Variants in CRYGA observed in about 807,000 individuals in gnomAD.
The protein encoded by CRYGA is gamma-crystallin A.
CRYGA carries 11 observed loss-of-function variants against 13.8 expected under a neutral mutation model. That is an observed-to-expected ratio of 0.80 (90% CI 0.50 to 1.32). The LOEUF (loss-of-function observed/expected upper bound fraction) is 1.32. Ranked by LOEUF, CRYGA falls within the 40% of genes most tolerant of loss-of-function variation. The probability of loss-of-function intolerance (pLI) is 0.00; values close to 1 mark genes in which losing one functional copy is unlikely to be tolerated. For missense variants in CRYGA, 271 were observed against 234.1 expected (o/e 1.16, Z -1.03); for synonymous variants, 97 against 89.3 (o/e 1.09, Z -0.48).
rs777902010 is a variant in CRYGA, at chr2:208,163,372, G to C, written c.84C>G (p.Val28=). The C allele has an allele frequency of 6.2e-7, 1 of 1,613,972 alleles. No individual in the cohort carries two copies. The highest frequency in any genetic ancestry group is 8.5e-7 in the Non-Finnish European group (1 of 1,179,994). ...GGATGGAGTTGCAGCGGCTGAAGTA[G>C]ACCCGCAGGTTGGGGCAGTCACTGA... ...NCISDCPNLR[V]YFSRCNSIRV... is the part of the protein sequence containing the mutation. The change falls in exon 2 of 3, where the codon GTC becomes GTG. Residue 28 remains valine, a synonymous_variant. Transcript: ENST00000304502.
In CRYGA at chr2:208,160,975, G is replaced by A; in HGVS notation, c.354C>T (p.Leu118=). 6.2e-7 allele frequency: 1 copy of A among 1,613,986 alleles called. No individual in the cohort carries two copies. Among genetic ancestry groups the A allele is most frequent in the Non-Finnish European group, 8.5e-7 (1 of 1,179,936 alleles). The change falls in exon 3 of 3, where the codon CTC becomes CTT. Residue 118 remains leucine, a synonymous_variant. Transcript: ENST00000304502. ...DCACVPELFR[L]PEIYSLHVLE... ...GTACGTGGAGGGAATAGATCTCAGG[G>A]AGACGGAACAGTTCTGGAACACAGG...
At chr2:208,161,767 T>G (rs535918266) in intron 2 of CRYGA, among the ~76,000 whole-genome samples, 1 of 152,260 alleles carries the variant, frequency 6.6e-6, no homozygotes, top group African/African-American at 2.4e-5. Flanking sequence ...TGAGTCACTT[T>G]TTGCACTTAT....
chr2:208,161,536 A>G (rs1021218757), intron 2 of CRYGA, among the ~76,000 whole-genome samples: 15 of 152,302 alleles, frequency 9.8e-5, no homozygotes, highest in Non-Finnish European at 1.8e-4. Flanking sequence ...CCCACTTTCA[A>G]TGTTGTTATT....
chr2:208,161,706 C>T (rs1695763272), intron 2 of CRYGA, among the ~76,000 whole-genome samples: 1 of 147,614 alleles, frequency 6.8e-6, no homozygotes, highest in Non-Finnish European at 1.5e-5. Context: ...AGGATTTCAA[C>T]TCTCATTTCC....
intron 2 of CRYGA, among the ~76,000 whole-genome samples, chr2:208,162,932 G>A (rs1225365582): frequency 7.0e-6 from 1 of 143,616 alleles, no homozygotes; most frequent in East Asian, 2.0e-4. Context: ...TGAATAAGGT[G>A]ACTTTTATGT....
Position 208,161,033 on chromosome 2 carries a change from C to A in CRYGA, c.296G>T (p.Arg99Leu), listed in dbSNP as rs756072487. ...KLRLYERDDYRGLMSELTDDC... is the reference protein window; with the variant it reads ...KLRLYERDDYLGLMSELTDDC... Reference sequence around the variant, plus strand: ...ATCAGTGAGCTCAGACATAAGGCCTCGGTAGTCATCTCTCTCGTACAGCCT... The same window carrying A: ...ATCAGTGAGCTCAGACATAAGGCCTAGGTAGTCATCTCTCTCGTACAGCCT... Residue 99 changes from arginine to leucine, a missense_variant, in exon 3 of 3, where the codon CGA (arginine) becomes CTA (leucine). Physicochemically the swap from Arg to Leu is moderately radical, Grantham distance 102. Coordinates refer to ENST00000304502, the MANE Select transcript of CRYGA (RefSeq NM_014617.4). The A allele has an allele frequency of 6.2e-7, 1 of 1,614,056 alleles. No individual in the cohort carries two copies. Among genetic ancestry groups the A allele is most frequent in the South Asian group, 1.1e-5 (1 of 91,080 alleles).
At chr2:208,163,139 A>C (rs1262014349) in intron 2 of CRYGA, 65 bp downstream of exon 2, 6 of 1,426,726 alleles carry the variant, frequency 4.2e-6, no homozygotes, top group Non-Finnish European at 5.9e-6. Flanking sequence ...TGACTTTTAT[A>C]AACAGGAATT....
In CRYGA at chr2:208,161,016, G is replaced by C. The variant is rs765538326; in HGVS notation, c.313C>G (p.Leu105Val). 1.6e-4 allele frequency: 257 copies of C among 1,613,888 alleles called. No individual in the cohort carries two copies. The highest frequency in any genetic ancestry group is 1.3e-3 in the Admixed American group (75 of 60,000). ...GGAACACAGGCGCAGTCATCAGTGA[G>C]CTCAGACATAAGGCCTCGGTAGTCA... ...RDDYRGLMSE[L>V]TDDCACVPEL... Residue 105 changes from leucine (L) to valine (V), a missense_variant, in exon 3 of 3, where the codon CTC becomes GTC. Leu to Val is a conservative substitution (Grantham distance 32). Transcript: ENST00000304502.
rs182000087 is a variant in CRYGA, at chr2:208,160,940, C to T, written c.389G>A (p.Cys130Tyr). 161 of 1,613,610 alleles carry T rather than the reference C, an allele frequency of 1.0e-4. 1 individual carries two copies. The Admixed American group carries it at 2.7e-3, about 27-fold the overall frequency. The change falls in exon 3 of 3, where the codon TGC (cysteine) becomes TAC (tyrosine). Residue 130 changes from cysteine (C) to tyrosine (Y), a missense_variant. By Grantham distance (194) the Cys-to-Tyr change is radical (BLOSUM62 -2). Coordinates refer to ENST00000304502, the MANE Select transcript of CRYGA (RefSeq NM_014617.4). The part of the protein sequence containing the change: ...EIYSLHVLEG[C>Y]WVLYEMPNYR... ...GTTGGGCATTTCATAGAGGACCCAG[C>T]AGCCCTCCAGTACGTGGAGGGAATA...
At chr2:208,162,579 C>A (rs974737843) in intron 2 of CRYGA, among the ~76,000 whole-genome samples, 1 of 152,072 alleles carries the variant, frequency 6.6e-6, no homozygotes, top group Admixed American at 6.6e-5. Flanking sequence ...TTATCATGGC[C>A]GGGCGCAGTG....
Position 208,163,335 on chromosome 2 carries a change from C to A in CRYGA, c.121G>T (p.Gly41Cys). The A allele has an allele frequency of 6.2e-7, 1 of 1,613,998 alleles. No individual in the cohort carries two copies. Among genetic ancestry groups the A allele is most frequent in the Non-Finnish European group, 8.5e-7 (1 of 1,180,020 alleles). Residue 41 changes from glycine to cysteine, a missense_variant, in exon 2 of 3, where the codon GGC becomes TGC. Transcript: ENST00000304502. ...GGACGCTCATAGAGCATCCAGCAGC[C>A]GCTGTCTACTCGGATGGAGTTGCAG... ...SRCNSIRVDS[G>C]CWMLYERPNY...
chr2:208,161,969 G>C (rs920705177), intron 2 of CRYGA, among the ~76,000 whole-genome samples: 1 of 151,510 alleles, frequency 6.6e-6, no homozygotes, highest in South Asian at 2.1e-4. Context: ...ACGAAGTCTC[G>C]CTCTGTCACC....
At chr2:208,162,305 G>A (rs544834769) in intron 2 of CRYGA, among the ~76,000 whole-genome samples, 1 of 152,244 alleles carries the variant, frequency 6.6e-6, no homozygotes, top group African/African-American at 2.4e-5. Flanking sequence ...GTAAATACAT[G>A]CTGCACGTGA....
chr2:208,161,287 C>A (rs1481396244), intron 2 of CRYGA, among the ~76,000 whole-genome samples: 1 of 152,024 alleles, frequency 6.6e-6, no homozygotes, highest in Non-Finnish European at 1.5e-5. Context: ...ATCCTCCCAC[C>A]TCAGCCCCCC....
At chr2:208,162,013 T>G (rs1206045153) in intron 2 of CRYGA, among the ~76,000 whole-genome samples, 1 of 152,160 alleles carries the variant, frequency 6.6e-6, no homozygotes, top group African/African-American at 2.4e-5. Context: ...CTCGGCTCAC[T>G]GCAACCTCCG....
In CRYGA at chr2:208,160,793, G is replaced by A. The variant is rs746949317; in HGVS notation, c.*11C>T. 1.3e-6 allele frequency: 2 copies of A among 1,556,880 alleles called. No individual in the cohort carries two copies. Among genetic ancestry groups the A allele is most frequent in the South Asian group, 2.3e-5 (2 of 88,768 alleles). On this transcript the variant is annotated 3_prime_UTR_variant, in exon 3 of 3. Transcript: ENST00000304502. ...ATGTTTCTATGGGGATCACAACAAG[G>A]CAGGCACAGCTTAGTACAAATCGGT... is the stretch of plus-strand genomic sequence containing the variant.
rs1169308513 is a variant in CRYGA at position 208,162,673 on chromosome 2, C to T, written c.252+531G>A. Reference sequence around the variant, plus strand: ...TGACCAACATGGAGAAACTCTGTCTCTACTAAAAATACAAAATTAGCTGGG... The same window carrying T: ...TGACCAACATGGAGAAACTCTGTCTTTACTAAAAATACAAAATTAGCTGGG... On this transcript the variant is annotated intron_variant, in intron 2 of 2. Coordinates refer to ENST00000304502, the MANE Select transcript of CRYGA (RefSeq NM_014617.4). Among the ~76,000 whole-genome samples the T allele has an allele frequency of 5.3e-5, 8 of 152,062 alleles. No homozygotes were observed. In the East Asian group the frequency reaches 1.4e-3, roughly 26 times the overall value.
At position 208,163,248 on chromosome 2, in the gene CRYGA, T is replaced by G; in HGVS notation, c.208A>C (p.Met70Leu). ...RGKYPDYQHW[M>L]GLSDSVQSCR... ...GATTGGACCGAGTCGCTGAGGCCCA[T>G]CCAGTGCTGATAGTCGGGGTACTTG... The change falls in exon 2 of 3, where the codon ATG (methionine) becomes CTG (leucine). Residue 70 changes from methionine (M) to leucine (L), a missense_variant. By Grantham distance (15) the Met-to-Leu change is conservative. Coordinates refer to ENST00000304502, the MANE Select transcript of CRYGA (RefSeq NM_014617.4). The G allele has an allele frequency of 1.9e-6, 3 of 1,613,756 alleles. No individual in the cohort carries two copies. Among genetic ancestry groups the G allele is most frequent in the Non-Finnish European group, 2.5e-6 (3 of 1,179,902 alleles).
intron 2 of CRYGA, among the ~76,000 whole-genome samples, 184 bp from the exon 3 acceptor site, chr2:208,161,260 C>A (rs1208763324): frequency 2.0e-5 from 3 of 152,124 alleles, no homozygotes; most frequent in Non-Finnish European, 4.4e-5. Context: ...GCAACTTTCA[C>A]CTCCTGGGCT....
Sources: allele counts gnomAD v4.1 joint callset (sites outside exome capture counted in the v4.1 genomes callset), GRCh38; gene constraint gnomAD v4.1.1; transcripts MANE v1.5; gene names NCBI Gene and HGNC (gene_info 2026-07-23, HGNC 2026-07-21).